Variants in PKHD1 observed in about 807,000 individuals in gnomAD.
PKHD1 encodes fibrocystin.
Under a neutral mutation model 412.0 loss-of-function variants are expected in PKHD1, and 291 were observed. The observed-to-expected ratio is 0.71, with a 90% CI of 0.64 to 0.78. The LOEUF is 0.78. Among genes scored for constraint, PKHD1 ranks in the 30% least tolerant of loss-of-function variants. PKHD1 has a pLI of 0.00. For synonymous variants in PKHD1, 1,777 were observed against 1,821.5 expected (o/e 0.98, Z 0.62); for missense variants, 4,825 against 4,950.7 (o/e 0.97, Z 0.76).
In PKHD1 at chr6:51,867,276, T is replaced by C. The variant is rs528646425; in HGVS notation, c.7733+587A>G. On this transcript the variant is annotated intron_variant, in intron 48 of 66. Transcript: ENST00000371117. ...AAAGAGGGCAGGAGCAATCCTATTA[T>C]GCATTATAAACAGCCCCGCTGCTGA... 9.2e-5 allele frequency among the ~76,000 whole-genome samples: 14 copies of C among 152,298 alleles called. No homozygotes were observed. The South Asian group carries it at 1.7e-3, about 18-fold the overall frequency.
At chr6:51,967,141 T>C (rs551025800) in intron 35 of PKHD1, among the ~76,000 whole-genome samples, 1 of 150,168 alleles carries the variant, frequency 6.7e-6, no homozygotes, top group African/African-American at 2.4e-5. Flanking sequence ...TCATATGTCA[T>C]AGAAAAAAAA....
intron 43 of PKHD1, among the ~76,000 whole-genome samples, chr6:51,901,852 A>C (rs1781359554): frequency 6.6e-6 from 1 of 152,210 alleles, no homozygotes; most frequent in African/African-American, 2.4e-5. Context: ...AAGAAAGTAA[A>C]TGAAGGGAAA....
chr6:51,763,088 T>C (rs896091352), intron 55 of PKHD1, among the ~76,000 whole-genome samples: 1 of 152,114 alleles, frequency 6.6e-6, no homozygotes, highest in Non-Finnish European at 1.5e-5. Flanking sequence ...GAAACTTTGT[T>C]TTTAATATTT....
chr6:51,879,120 C>G (rs1306562145), intron 46 of PKHD1, among the ~76,000 whole-genome samples: 10 of 76,448 alleles, frequency 1.3e-4, no homozygotes, highest in African/African-American at 4.8e-4. Context: ...AAAGAGGACA[C>G]AAACAAATGG....
rs144316223 is a variant in PKHD1 at position 52,079,111 on chromosome 6, C to T, written c.390+789G>A. On this transcript the variant is annotated intron_variant, in intron 5 of 66. Coordinates refer to ENST00000371117, the MANE Select transcript of PKHD1 (RefSeq NM_138694.4). ...CCCATGTGAAGGGCAACCACATCGA[C>T]AGGAGTACCGCCAAATCTCTGCCTT... Among the ~76,000 whole-genome samples, 436 of 152,326 alleles carry T rather than the reference C, an allele frequency of 2.9e-3. 3 individuals carry two copies. Among genetic ancestry groups the T allele is most frequent in the African/African-American group, 0.01 (423 of 41,580 alleles).
In PKHD1 at chr6:52,007,840, C is replaced by T. The variant is rs552253745; in HGVS notation, c.5751+2469G>A. ...TGTGCCAGCCATAGTTATTTCCTAA[C>T]TTCCACCATATTGATCCAGTCGATG... On this transcript the variant is annotated intron_variant, in intron 35 of 66. Transcript: ENST00000371117. Among the ~76,000 whole-genome samples the T allele has an allele frequency of 1.3e-5, 2 of 152,310 alleles. 1 individual carries two copies. Among genetic ancestry groups the T allele is most frequent in the South Asian group, 4.1e-4 (2 of 4,822 alleles).
chr6:51,789,626 T>A (rs1793421195), intron 53 of PKHD1, among the ~76,000 whole-genome samples: 1 of 152,194 alleles, frequency 6.6e-6, no homozygotes, highest in South Asian at 2.1e-4. Context: ...TTAATTGTGG[T>A]TATATTTGCA....
At chr6:51,929,515 G>GT (rs5876245) in intron 37 of PKHD1, among the ~76,000 whole-genome samples, 58,263 of 151,978 alleles carry the variant, frequency 0.38, 11,960 homozygotes, top group East Asian at 0.76. Flanking sequence ...GAAACATTTG[G>GT]ATTTTGTGGA....
At chr6:51,752,114 C>T (rs1478080553) in intron 57 of PKHD1, among the ~76,000 whole-genome samples, 1 of 152,154 alleles carries the variant, frequency 6.6e-6, no homozygotes, top group African/African-American at 2.4e-5. Context: ...TTGCTCTCTC[C>T]TTCCTGATTC....
intron 35 of PKHD1, among the ~76,000 whole-genome samples, chr6:51,995,091 T>C (rs1384342777): frequency 2.0e-5 from 3 of 152,198 alleles, no homozygotes; most frequent in African/African-American, 4.8e-5. Flanking sequence ...TCATCCTTCA[T>C]CCTTTTTCAC....
chr6:51,695,572 A>T (rs531914208), intron 60 of PKHD1, among the ~76,000 whole-genome samples: 114 of 152,296 alleles, frequency 7.5e-4, no homozygotes, highest in Admixed American at 2.1e-3. Flanking sequence ...TATTCCTAGG[A>T]TTCATTTCTA....
intron 52 of PKHD1, among the ~76,000 whole-genome samples, chr6:51,812,878 T>G (rs1406711355): frequency 2.6e-5 from 4 of 152,156 alleles, no homozygotes; most frequent in Non-Finnish European, 5.9e-5. Context: ...TGCACAACCC[T>G]TTATCTTAAC....
rs545361127 is a variant in PKHD1 at position 51,834,198 on chromosome 6, G to C, written c.8173+2206C>G. ...GGGAGGCACTGAACAGAAGAAGCCA[G>C]TAAGGAAAGAAAGGTTAACTACACG... is the stretch of plus-strand genomic sequence containing the variant. On this transcript the variant is annotated intron_variant, in intron 51 of 66. Transcript: ENST00000371117. 3.7e-4 allele frequency among the ~76,000 whole-genome samples: 56 copies of C among 152,266 alleles called. No individual in the cohort carries two copies. In the South Asian group the frequency reaches 4.4e-3, roughly 12 times the overall value.
chr6:51,621,325 A>T (rs888886628), intron 66 of PKHD1, among the ~76,000 whole-genome samples: 2 of 152,212 alleles, frequency 1.3e-5, no homozygotes, highest in African/African-American at 4.8e-5. Context: ...GACATAGTTT[A>T]TCAGGATCAG....
At chr6:52,068,277 C>G (rs540640326) in intron 11 of PKHD1, among the ~76,000 whole-genome samples, 2 of 152,304 alleles carry the variant, frequency 1.3e-5, no homozygotes, top group South Asian at 4.1e-4. Flanking sequence ...TCTACACCCT[C>G]TCTTCCTACA....
intron 64 of PKHD1, among the ~76,000 whole-genome samples, chr6:51,634,222 C>T (rs2771024): frequency 0.043 from 6,504 of 152,194 alleles, 233 homozygotes; most frequent in African/African-American, 0.093. Context: ...TTTTTCTTTG[C>T]TGTGCTTTCA....
intron 27 of PKHD1, among the ~76,000 whole-genome samples, chr6:52,042,501 T>C (rs1259783037): frequency 6.6e-6 from 1 of 152,192 alleles, no homozygotes; most frequent in Non-Finnish European, 1.5e-5. Context: ...TAAGGCTATG[T>C]TGACAAGACC....
In PKHD1 at chr6:51,905,868, A is replaced by C. The variant is rs1396587434; in HGVS notation, c.6808+347T>G. Among the ~76,000 whole-genome samples, 3 of 152,182 alleles carry C rather than the reference A, an allele frequency of 2.0e-5. No individual in the cohort carries two copies. The South Asian group carries it at 6.2e-4, about 32-fold the overall frequency. On this transcript the variant is annotated intron_variant, in intron 41 of 66. Transcript: ENST00000371117. ...ATTAAGAAGAGAATTCCAGATTTTT[A>C]AATCCTTGGCCAACATCCAAGTTTG... is the stretch of plus-strand genomic sequence containing the variant.
intron 53 of PKHD1, among the ~76,000 whole-genome samples, chr6:51,786,219 A>G (rs927933530): frequency 6.6e-6 from 1 of 152,052 alleles, no homozygotes; most frequent in East Asian, 1.9e-4. Flanking sequence ...CCCTGGATAT[A>G]TCCCAAATAA....
Sources: gnomAD v4.1 joint callset for allele counts (sites outside exome capture counted in the v4.1 genomes callset) on GRCh38, gnomAD v4.1.1 for gene constraint, MANE v1.5 for transcripts, NCBI Gene and HGNC (gene_info 2026-07-23, HGNC 2026-07-21) for gene names.